The following LRIG1 variants were observed in gnomAD, a reference collection of about 807,000 sequenced individuals.
The protein encoded by LRIG1 is leucine-rich repeats and immunoglobulin-like domains protein 1.
Under a neutral mutation model 99.2 loss-of-function variants are expected in LRIG1, and 48 were observed. The observed-to-expected ratio is 0.48, with a 90% CI of 0.38 to 0.62. The LOEUF (loss-of-function observed/expected upper bound fraction) is 0.62, where lower values mean the gene tolerates loss of function less well. LRIG1 is among the 20% of genes least tolerant of loss of function. LRIG1 has a pLI of 0.00. For synonymous variants in LRIG1, 772 were observed against 596.1 expected (o/e 1.29, Z -4.30); for missense variants, 1,646 against 1,434.4 (o/e 1.15, Z -2.38).
chr3:66,384,351 C>T, intron 13 of LRIG1, 79 bp from the exon 14 acceptor site: 1 of 1,442,028 alleles, frequency 6.9e-7, no homozygotes, highest in Non-Finnish European at 9.6e-7. Context: ...AAACACCTAC[C>T]TGTCACTGTG....
At chr3:66,431,943 A>T (rs541181224) in intron 3 of LRIG1, among the ~76,000 whole-genome samples, 1 of 152,366 alleles carries the variant, frequency 6.6e-6, no homozygotes, top group East Asian at 1.9e-4. Flanking sequence ...GGAATACAGG[A>T]TGTTGTTCTC....
chr3:66,404,437 C>G, intron 9 of LRIG1: 2 of 1,163,760 alleles, frequency 1.7e-6, no homozygotes, highest in Non-Finnish European at 2.2e-6. Context: ...CTGCACGGTC[C>G]TTGGGTGGCA....
intron 1 of LRIG1, among the ~76,000 whole-genome samples, chr3:66,490,907 A>C (rs1701087618): frequency 6.6e-6 from 1 of 152,184 alleles, no homozygotes; most frequent in Non-Finnish European, 1.5e-5. Context: ...TCCCACTCAG[A>C]TTCCTAAATG....
chr3:66,432,757 CTCT>C (rs1206227302), intron 3 of LRIG1, among the ~76,000 whole-genome samples: 18 of 152,202 alleles, frequency 1.2e-4, no homozygotes, highest in African/African-American at 4.3e-4. Context: ...AAGACAGCTT[CTCT>C]TGATAGCACC....
intron 2 of LRIG1, among the ~76,000 whole-genome samples, chr3:66,455,466 G>A (rs1408163127): frequency 2.0e-5 from 3 of 152,148 alleles, no homozygotes; most frequent in East Asian, 1.9e-4. Flanking sequence ...GTTGTGTACC[G>A]CCATTTCTCT....
chr3:66,440,432 T>A (rs551603694), intron 3 of LRIG1, among the ~76,000 whole-genome samples: 2 of 152,308 alleles, frequency 1.3e-5, no homozygotes, highest in African/African-American at 2.4e-5. Flanking sequence ...TCTGCTGCTG[T>A]CCTCAACAGC....
chr3:66,412,981 C>G lies in LRIG1; in HGVS notation c.681G>C (p.Glu227Asp), dbSNP rs2106680309. ...DLNRNRIRLI[E>D]GLTFQGLNSL... ...TGTTGAGCCCCTGGAAGGTGAGGCCCTCTATCAGCCGAATCCTGTTCCGAT... is the reference window on the plus strand; with the variant it reads ...TGTTGAGCCCCTGGAAGGTGAGGCCGTCTATCAGCCGAATCCTGTTCCGAT... The change falls in exon 6 of 19, where the codon GAG becomes GAC. Residue 227 changes from glutamate (E) to aspartate (D), a missense_variant. Transcript: ENST00000273261. The G allele has an allele frequency of 6.2e-7, 1 of 1,614,228 alleles. No homozygotes were observed. The highest frequency in any genetic ancestry group is 1.1e-5 in the South Asian group (1 of 91,088).
At chr3:66,392,637 G>A (rs1701668081) in intron 12 of LRIG1, among the ~76,000 whole-genome samples, 1 of 151,888 alleles carries the variant, frequency 6.6e-6, no homozygotes, top group African/African-American at 2.4e-5. Flanking sequence ...TGGGGGTGGG[G>A]ATGACAGATG....
intron 3 of LRIG1, among the ~76,000 whole-genome samples, chr3:66,434,616 G>A (rs6809238): frequency 0.043 from 6,596 of 151,958 alleles, 457 homozygotes; most frequent in African/African-American, 0.15. Context: ...GCCTGGTGGC[G>A]TAAGCCTGCA....
intron 9 of LRIG1, chr3:66,404,237 C>T: frequency 7.8e-7 from 1 of 1,289,102 alleles, no homozygotes; most frequent in Non-Finnish European, 1.0e-6. Flanking sequence ...CTCCCTACCA[C>T]AGGCTCTCCT....
chr3:66,446,909 T>C (rs1575698934), intron 3 of LRIG1, among the ~76,000 whole-genome samples: 1 of 124,500 alleles, frequency 8.0e-6, no homozygotes, highest in African/African-American at 3.1e-5. Context: ...GTGAGGGATA[T>C]GAGAAGTGAC....
At chr3:66,489,272 C>T (rs1054920924) in intron 1 of LRIG1, among the ~76,000 whole-genome samples, 1 of 152,170 alleles carries the variant, frequency 6.6e-6, no homozygotes, top group Admixed American at 6.5e-5. Flanking sequence ...ATCTGTAACC[C>T]CAGCACTTTG....
At chr3:66,428,357 C>T (rs1312625046) in intron 3 of LRIG1, among the ~76,000 whole-genome samples, 1 of 152,088 alleles carries the variant, frequency 6.6e-6, no homozygotes, top group Non-Finnish European at 1.5e-5. Context: ...CCTTTCTGAC[C>T]CCTCCCCAAA....
Position 66,394,109 on chromosome 3 carries a change from T to C in LRIG1, c.1399A>G (p.Thr467Ala). Residue 467 changes from threonine (T) to alanine (A), a missense_variant, in exon 12 of 19, where the codon ACC (threonine) becomes GCC (alanine). Physicochemically the swap from Thr to Ala is moderately conservative, Grantham distance 58. Transcript: ENST00000273261. ...GRMLQAFVTATCAHPESLKGQ... is the reference protein window; with the variant it reads ...GRMLQAFVTAACAHPESLKGQ... Reference sequence around the variant, plus strand: ...TTCAGTGATTCTGGGTGGGCACAGGTGGCTGTCACAAAGGCCTGCAGCATC... The same window carrying C: ...TTCAGTGATTCTGGGTGGGCACAGGCGGCTGTCACAAAGGCCTGCAGCATC... 1 of 1,613,910 alleles carries C rather than the reference T, an allele frequency of 6.2e-7. No homozygotes were observed. Among genetic ancestry groups the C allele is most frequent in the Non-Finnish European group, 8.5e-7 (1 of 1,179,938 alleles).
intron 3 of LRIG1, among the ~76,000 whole-genome samples, chr3:66,419,187 C>T (rs1294200107): frequency 6.6e-6 from 1 of 152,154 alleles, no homozygotes; most frequent in African/African-American, 2.4e-5. Context: ...GGGGGTGAGG[C>T]CTTACATTGC....
At chr3:66,381,671 G>A (rs771715377) in intron 16 of LRIG1, 40 bp from the exon 17 acceptor site, 7 of 1,596,706 alleles carry the variant, frequency 4.4e-6, no homozygotes, top group Non-Finnish European at 6.0e-6. Flanking sequence ...CTCTGGGCTT[G>A]GTATTTCACA....
At chr3:66,444,974 T>A (rs961068016) in intron 3 of LRIG1, among the ~76,000 whole-genome samples, 1 of 151,986 alleles carries the variant, frequency 6.6e-6, no homozygotes, top group African/African-American at 2.4e-5. Context: ...TGTATATATA[T>A]AATTCCTCCC....
intron 3 of LRIG1, among the ~76,000 whole-genome samples, chr3:66,418,088 GTTTT>G (rs1412993141): frequency 6.7e-6 from 1 of 149,662 alleles, no homozygotes; most frequent in Non-Finnish European, 1.5e-5. Context: ...TTTTTTTTTT[GTTTT>G]GTTTTTGTTT....
chr3:66,431,704 T>G (rs192739965), intron 3 of LRIG1, among the ~76,000 whole-genome samples: 223 of 152,146 alleles, frequency 1.5e-3, no homozygotes, highest in African/African-American at 4.5e-3. Context: ...CCTGAAAAAA[T>G]GGAACCACTG....
Sources: gnomAD v4.1 joint callset for allele counts (sites outside exome capture counted in the v4.1 genomes callset) on GRCh38, gnomAD v4.1.1 for gene constraint, MANE v1.5 for transcripts, NCBI Gene and HGNC (gene_info 2026-07-23, HGNC 2026-07-21) for gene names.